TGM6: variants seen among roughly 807,000 people sequenced by gnomAD.
TGM6 encodes the protein protein-glutamine gamma-glutamyltransferase 6.
Under a neutral mutation model 77.5 loss-of-function variants are expected in TGM6, and 74 were observed. The ratio of observed to expected loss-of-function variants is 0.96; its 90% confidence interval spans 0.79 to 1.16. The LOEUF is 1.16. TGM6 is among the 50% of genes most tolerant of loss of function. The pLI is 0.00. For synonymous variants in TGM6, 383 were observed against 378.9 expected (o/e 1.01, Z -0.12); for missense variants, 968 against 940.2 (o/e 1.03, Z -0.39).
intron 10 of TGM6, among the ~76,000 whole-genome samples, chr20:2,424,228 G>A (rs555872478): frequency 1.9e-4 from 29 of 152,264 alleles, no homozygotes; most frequent in Non-Finnish European, 3.1e-4. Flanking sequence ...CTTCTGTCCC[G>A]CTATGAAAGT....
chr20:2,400,498 G>A lies in TGM6; in HGVS notation c.989+54G>A, dbSNP rs1599951616. 4 of 1,611,996 alleles carry A rather than the reference G, an allele frequency of 2.5e-6. No homozygotes were observed. The East Asian group carries it at 8.9e-5, about 36-fold the overall frequency. ...GGGCTCTGGAAGCCCAGCAGGTGGA[G>A]CAAGGCCTCATCTTCCATAACACCA... On this transcript the variant is annotated intron_variant, in intron 7 of 12. Transcript: ENST00000202625.
At chr20:2,396,113 G>C (rs538291851) in intron 3 of TGM6, among the ~76,000 whole-genome samples, 4 of 151,810 alleles carry the variant, frequency 2.6e-5, no homozygotes, top group African/African-American at 9.7e-5. Context: ...CCAGGAGGTG[G>C]AGGTTGCAGT....
chr20:2,420,498 A>G (rs1368201637), intron 10 of TGM6, among the ~76,000 whole-genome samples: 2 of 152,196 alleles, frequency 1.3e-5, no homozygotes, highest in South Asian at 2.1e-4. Flanking sequence ...TAAAATTCAT[A>G]GTTAATATTA....
chr20:2,381,515 G>A (rs933428678), intron 1 of TGM6, among the ~76,000 whole-genome samples: 9 of 152,222 alleles, frequency 5.9e-5, no homozygotes, highest in African/African-American at 2.2e-4. Flanking sequence ...TCTGTGTAAT[G>A]GGGATTATAA....
At chr20:2,425,024 A>G (rs934523771) in intron 10 of TGM6, among the ~76,000 whole-genome samples, 36 of 152,238 alleles carry the variant, frequency 2.4e-4, no homozygotes, top group African/African-American at 6.5e-4. Flanking sequence ...AACAGTTACA[A>G]TAGTAGCCTC....
intron 1 of TGM6, among the ~76,000 whole-genome samples, chr20:2,393,764 C>T (rs2084643650): frequency 6.6e-6 from 1 of 152,106 alleles, no homozygotes; most frequent in Non-Finnish European, 1.5e-5. Flanking sequence ...TGAGCTTAGG[C>T]AATCCGCCCA....
intron 9 of TGM6, among the ~76,000 whole-genome samples, chr20:2,413,393 A>T (rs1302581947): frequency 1.3e-5 from 2 of 152,214 alleles, no homozygotes; most frequent in African/African-American, 4.8e-5. Flanking sequence ...TGGGTGACAG[A>T]GTGAGATTCT....
chr20:2,408,186 T>C lies in TGM6; in HGVS notation c.1336+4363T>C, dbSNP rs547372029. 5.9e-5 allele frequency among the ~76,000 whole-genome samples: 9 copies of C among 152,274 alleles called. No individual in the cohort carries two copies. The South Asian group carries it at 1.7e-3, about 28-fold the overall frequency. On this transcript the variant is annotated intron_variant, in intron 9 of 12. Transcript: ENST00000202625. ...CTTGACTTGCATGAGCAGTATTCTA[T>C]AGATGAAATGACAGGGGCTTGTGCC...
chr20:2,396,018 TAAA>T lies in TGM6; in HGVS notation c.425-485_425-483del, dbSNP rs2084662814. Among the ~76,000 whole-genome samples, 4 of 151,738 alleles carry T rather than the reference TAAA, an allele frequency of 2.6e-5. No individual in the cohort carries two copies. In the South Asian group the frequency reaches 8.3e-4, roughly 31 times the overall value. ...CAACATGGAGAAATCCCGTCTCTAC[TAAA>T]AATACAAAATTAGCCAGCTGTGGTG... On this transcript the variant is annotated intron_variant, in intron 3 of 12. Coordinates refer to ENST00000202625, the MANE Select transcript of TGM6 (RefSeq NM_198994.3).
intron 10 of TGM6, among the ~76,000 whole-genome samples, chr20:2,420,406 TCTC>T (rs910800712): frequency 2.0e-5 from 3 of 152,254 alleles, no homozygotes; most frequent in African/African-American, 7.2e-5. Context: ...CCACCACGCC[TCTC>T]CTCCTGTTAT....
rs746393878 is a variant in TGM6 at position 2,403,771 on chromosome 20, G to A, written c.1284G>A (p.Ala428=). The A allele has an allele frequency of 2.2e-5, 36 of 1,614,054 alleles. No homozygotes were observed. Among genetic ancestry groups the A allele is most frequent in the Middle Eastern group, 1.6e-4 (1 of 6,084 alleles). The change falls in exon 9 of 13, where the codon GCG becomes GCA. Residue 428 remains alanine (A), a synonymous_variant. Transcript: ENST00000202625. ...TTGGGAGATGCATCAGCACCAAGGC[G>A]GTGGGCAGTGACTCCCGCGTGGACA... ...KKIGRCISTK[A]VGSDSRVDIT...
At chr20:2,421,927 T>G (rs2084858860) in intron 10 of TGM6, among the ~76,000 whole-genome samples, 1 of 151,866 alleles carries the variant, frequency 6.6e-6, no homozygotes. Flanking sequence ...AGATCAGGAG[T>G]TTGAGACCAG....
chr20:2,430,575 C>T lies in TGM6; in HGVS notation c.1808C>T (p.Thr603Ile). 6.2e-7 allele frequency: 1 copy of T among 1,614,178 alleles called. No homozygotes were observed. The highest frequency in any genetic ancestry group is 1.1e-5 in the South Asian group (1 of 91,080). Residue 603 changes from threonine to isoleucine, a missense_variant, in exon 11 of 13, where the codon ACT (threonine) becomes ATT (isoleucine). Transcript: ENST00000202625. ...AAGCTTCTGGTGGAGAAGGACATTA[C>T]TCTAGAGGACTTCATCACCATCAAG... ...GEKLLVEKDI[T>I]LEDFITIKVL...
intron 5 of TGM6, 31 bp from the exon 6 acceptor site, chr20:2,399,530 T>C (rs564047648): frequency 1.2e-6 from 2 of 1,612,136 alleles, no homozygotes; most frequent in African/African-American, 2.7e-5. Flanking sequence ...AAGCCCTGCC[T>C]GGTTGTGGAC....
At chr20:2,394,326 C>T (rs987530604) in intron 1 of TGM6, 126 bp from the exon 2 acceptor site, 19 of 1,096,826 alleles carry the variant, frequency 1.7e-5, no homozygotes, top group African/African-American at 1.2e-4. Flanking sequence ...AACAGAGAAT[C>T]GCCGGTATAT....
chr20:2,397,993 G>A lies in TGM6; in HGVS notation c.619G>A (p.Asp207Asn), dbSNP rs757758549. The A allele has an allele frequency of 2.0e-5, 33 of 1,613,938 alleles. No individual in the cohort carries two copies. Among genetic ancestry groups the A allele is most frequent in the Admixed American group, 5.0e-5 (3 of 59,988 alleles). ...CGGTCACCAAAACAACCCAGCCACC[G>A]ACGTGTCCTGCCGCCACAACCCCAT... ...SPGHQNNPATDVSCRHNPIYV... is the reference protein window; with the variant it reads ...SPGHQNNPATNVSCRHNPIYV... The change falls in exon 5 of 13, where the codon GAC (aspartate) becomes AAC (asparagine). Residue 207 changes from aspartate (D) to asparagine (N), a missense_variant. Transcript: ENST00000202625.
chr20:2,390,559 A>G (rs899680321), intron 1 of TGM6, among the ~76,000 whole-genome samples: 1 of 152,222 alleles, frequency 6.6e-6, no homozygotes, highest in African/African-American at 2.4e-5. Flanking sequence ...CCTTCCATGT[A>G]TCAGGCGCTG....
intron 1 of TGM6, among the ~76,000 whole-genome samples, chr20:2,386,620 A>T (rs2084598063): frequency 6.6e-6 from 1 of 152,174 alleles, no homozygotes; most frequent in African/African-American, 2.4e-5. Context: ...ATGATCAAGT[A>T]TCCACCAAGA....
chr20:2,408,821 G>C (rs1455410960), intron 9 of TGM6, among the ~76,000 whole-genome samples: 1 of 152,198 alleles, frequency 6.6e-6, no homozygotes, highest in East Asian at 1.9e-4. Context: ...AAAGGATAAA[G>C]GAGCTGACAT....
Sources: allele counts gnomAD v4.1 joint callset (sites outside exome capture counted in the v4.1 genomes callset), GRCh38; gene constraint gnomAD v4.1.1; transcripts MANE v1.5; gene names NCBI Gene and HGNC (gene_info 2026-07-23, HGNC 2026-07-21).